The following ATP8B1 variants were observed in gnomAD, a reference collection of about 807,000 sequenced individuals.
ATP8B1 encodes phospholipid-transporting ATPase IC.
Under a neutral mutation model 149.9 loss-of-function variants are expected in ATP8B1, and 80 were observed. The ratio of observed to expected loss-of-function variants is 0.53; its 90% CI spans 0.45 to 0.64. ATP8B1 has a LOEUF of 0.64. Among genes scored for constraint, ATP8B1 ranks in the 30% least tolerant of loss-of-function variants. The pLI, the probability that ATP8B1 is intolerant of heterozygous loss-of-function variation, is 0.00. For missense variants in ATP8B1, 1,247 were observed against 1,552.6 expected, an observed-to-expected ratio of 0.80 and a Z score of 3.31; for synonymous variants, 536 against 562.8, an observed-to-expected ratio of 0.95 and a Z score of 0.67.
At chr18:57,665,122 G>A (rs72944108) in intron 20 of ATP8B1, among the ~76,000 whole-genome samples, 30,272 of 151,222 alleles carry the variant, frequency 0.2, 3,562 homozygotes, top group South Asian at 0.28. Flanking sequence ...CACTCCCCAC[G>A]GAGAATCACT....
At chr18:57,672,062 T>C (rs1025214111) in intron 16 of ATP8B1, among the ~76,000 whole-genome samples, 99 of 152,386 alleles carry the variant, frequency 6.5e-4, no homozygotes, top group African/African-American at 2.3e-3. Context: ...ATTATCTACA[T>C]TGAATGTAAT....
At chr18:57,689,024 A>T (rs753658488) in intron 12 of ATP8B1, among the ~76,000 whole-genome samples, 1 of 152,222 alleles carries the variant, frequency 6.6e-6, no homozygotes, top group Non-Finnish European at 1.5e-5. Flanking sequence ...CTCAGGCTTC[A>T]GGGTCAAGCT....
intron 15 of ATP8B1, among the ~76,000 whole-genome samples, chr18:57,676,418 AAAG>A (rs1360987111): frequency 1.3e-5 from 2 of 151,974 alleles, no homozygotes; most frequent in Non-Finnish European, 2.9e-5. Context: ...TTAAAAAAAA[AAAG>A]AAAAAAAAAC....
chr18:57,718,086 C>T (rs1190297374), intron 2 of ATP8B1, among the ~76,000 whole-genome samples: 3 of 116,576 alleles, frequency 2.6e-5, no homozygotes. Flanking sequence ...AATTGACAAA[C>T]CTTTAGCTGG....
At chr18:57,652,199 G>A (rs1909666188) in intron 25 of ATP8B1, 27 bp from the exon 26 acceptor site, 3 of 1,613,452 alleles carry the variant, frequency 1.9e-6, no homozygotes, top group Non-Finnish European at 2.5e-6. Flanking sequence ...GAAAAACAGA[G>A]CACTCATTTT....
At chr18:57,743,886 T>C (rs2079940870) in intron 1 of ATP8B1, among the ~76,000 whole-genome samples, 1 of 151,990 alleles carries the variant, frequency 6.6e-6, no homozygotes, top group African/African-American at 2.4e-5. Context: ...GGGAGACTGT[T>C]CAAAAGTCAC....
At chr18:57,744,910 T>C (rs563280971) in intron 1 of ATP8B1, among the ~76,000 whole-genome samples, 2 of 152,144 alleles carry the variant, frequency 1.3e-5, no homozygotes, top group Non-Finnish European at 2.9e-5. Flanking sequence ...CCATCCAGAC[T>C]CACTAGGAAT....
At chr18:57,739,914 A>G (rs1048075806) in intron 1 of ATP8B1, among the ~76,000 whole-genome samples, 1 of 152,218 alleles carries the variant, frequency 6.6e-6, no homozygotes, top group African/African-American at 2.4e-5. Context: ...AGAGTCTGGC[A>G]TATAGGAGGC....
chr18:57,669,621 A>T, intron 17 of ATP8B1, 139 bp from the exon 18 acceptor site: 3 of 848,018 alleles, frequency 3.5e-6, no homozygotes, highest in Non-Finnish European at 5.4e-6. Flanking sequence ...CAGATTCTGT[A>T]CAAATACACT....
chr18:57,679,000 A>T lies in ATP8B1; in HGVS notation c.1631-3978T>A, dbSNP rs3018223. On this transcript the variant is annotated intron_variant, in intron 15 of 27. Coordinates refer to ENST00000648908, the MANE Select transcript of ATP8B1 (RefSeq NM_001374385.1). ...CCTTCCAAGCAATTGACCCGACTTC[A>T]ATTCCCAGCCAACGCAGCAGGCTGA... Among the ~76,000 whole-genome samples, 14 of 129,282 alleles carry T rather than the reference A, an allele frequency of 1.1e-4. 1 individual carries two copies. In the South Asian group the frequency reaches 3.5e-3, roughly 32 times the overall value. 84.8% of individuals were successfully genotyped at this position (129,282 alleles called of 152,430 possible). A position where few individuals can be genotyped will look rare whatever the true frequency, so the allele number is the denominator to read the frequency against.
chr18:57,707,029 G>A (rs539039833), intron 2 of ATP8B1, among the ~76,000 whole-genome samples: 184 of 152,318 alleles, frequency 1.2e-3, no homozygotes, highest in African/African-American at 3.8e-3. Flanking sequence ...GAAGCAGGCC[G>A]GGCGCGGTGG....
chr18:57,694,132 G>A (rs1318300780), intron 11 of ATP8B1, among the ~76,000 whole-genome samples: 9 of 152,196 alleles, frequency 5.9e-5, no homozygotes, highest in Middle Eastern at 3.4e-3. Flanking sequence ...GAGTGTCCTC[G>A]ACATACTTTA....
At chr18:57,748,193 C>T (rs933560915) in intron 1 of ATP8B1, among the ~76,000 whole-genome samples, 2 of 152,162 alleles carry the variant, frequency 1.3e-5, no homozygotes, top group African/African-American at 4.8e-5. Flanking sequence ...GTGTTCTATG[C>T]ATCAGGCTCT....
In ATP8B1 at chr18:57,661,432, T is replaced by C; in HGVS notation, c.2449A>G (p.Arg817Gly). 2 of 1,613,718 alleles carry C rather than the reference T, an allele frequency of 1.2e-6. No homozygotes were observed. The highest frequency in any genetic ancestry group is 1.7e-6 in the Non-Finnish European group (2 of 1,179,902). ...AACTTCAGCTTCAGAATCTTATTTC[T>C]CTTGGTCTTTTTCTCGAGAAGAATT... ...NEILLEKKTK[R>G]NKILKLKFPR... Residue 817 changes from arginine to glycine, a missense_variant, in exon 22 of 28, where the codon AGA (arginine) becomes GGA (glycine). This residue lies in a region of ATP8B1 where 853 missense variants were observed against 1,035.7 expected (regional missense o/e 0.82). Transcript: ENST00000648908.
intron 2 of ATP8B1, among the ~76,000 whole-genome samples, chr18:57,707,568 G>A (rs545309039): frequency 5.3e-5 from 8 of 152,112 alleles, no homozygotes; most frequent in African/African-American, 1.4e-4. Context: ...AATAAAGATT[G>A]TGTGATCTCG....
Position 57,695,276 on chromosome 18 carries a change from G to C in ATP8B1, c.835C>G (p.Leu279Val). ...NNRLDKFTGTLFWRNTSFPLD... is the reference protein window; with the variant it reads ...NNRLDKFTGTVFWRNTSFPLD... ...GGAAAACTTGTGTTTCTCCAAAATA[G>C]TGTTCCTGTAAACTTATCTAGTCTG... Residue 279 changes from leucine (L) to valine (V), a missense_variant, in exon 10 of 28, where the codon CTA becomes GTA. By Grantham distance (32) the Leu-to-Val change is conservative (BLOSUM62 1). Coordinates refer to ENST00000648908, the MANE Select transcript of ATP8B1 (RefSeq NM_001374385.1). 6.2e-7 allele frequency: 1 copy of C among 1,612,892 alleles called. No individual in the cohort carries two copies. The highest frequency in any genetic ancestry group is 8.5e-7 in the Non-Finnish European group (1 of 1,178,928).
At chr18:57,733,561 C>T (rs890084498) in intron 1 of ATP8B1, among the ~76,000 whole-genome samples, 3 of 152,030 alleles carry the variant, frequency 2.0e-5, no homozygotes, top group Non-Finnish European at 2.9e-5. Flanking sequence ...AAAAAATTAG[C>T]CAGACGTGGT....
intron 1 of ATP8B1, among the ~76,000 whole-genome samples, chr18:57,780,957 G>T (rs575842178): frequency 2.6e-5 from 4 of 152,154 alleles, no homozygotes; most frequent in African/African-American, 7.2e-5. Context: ...TCTCAGCAAG[G>T]TATGTATGAT....
chr18:57,793,054 C>T (rs2080479259), intron 1 of ATP8B1, among the ~76,000 whole-genome samples: 1 of 152,174 alleles, frequency 6.6e-6, no homozygotes. Context: ...GTTCTCTGAA[C>T]CAAAGCCTTA....
Sources: allele counts gnomAD v4.1 joint callset (sites outside exome capture counted in the v4.1 genomes callset), GRCh38; gene constraint gnomAD v4.1.1; regional missense constraint gnomAD v4.1.1; transcripts MANE v1.5; gene names NCBI Gene and HGNC (gene_info 2026-07-23, HGNC 2026-07-21).